The following FAM149B1 variants were observed in gnomAD, a reference collection of about 807,000 sequenced individuals.
The protein encoded by FAM149B1 is family with sequence similarity 149 member B1.
Under a neutral mutation model 75.3 loss-of-function variants are expected in FAM149B1, and 56 were observed. The observed-to-expected ratio is 0.74, with a 90% CI of 0.60 to 0.93. The LOEUF (loss-of-function observed/expected upper bound fraction) is 0.93. Ranked by LOEUF, FAM149B1 falls within the 40% of genes least tolerant of loss-of-function variation. FAM149B1 has a pLI of 0.00. For missense variants in FAM149B1, 639 were observed against 708.4 expected, an observed-to-expected ratio of 0.90 and a Z score of 1.11; for synonymous variants, 259 against 256.1, an observed-to-expected ratio of 1.01 and a Z score of -0.11.
At chr10:73,234,785 C>T in intron 10 of FAM149B1, 32 bp from the exon 11 acceptor site, 1 of 1,549,472 alleles carries the variant, frequency 6.5e-7, no homozygotes, top group South Asian at 1.2e-5. Flanking sequence ...TTCATGCTTT[C>T]ATACCTTCGT....
intron 5 of FAM149B1, among the ~76,000 whole-genome samples, chr10:73,201,916 G>A (rs1293274394): frequency 1.3e-5 from 2 of 152,074 alleles, no homozygotes; most frequent in Non-Finnish European, 2.9e-5. Flanking sequence ...TGTAATCCCA[G>A]CACTTTGGGA....
rs1021125981 is a variant in FAM149B1, at chr10:73,177,866, A to C, written c.173A>C (p.Glu58Ala). The change falls in exon 3 of 14, where the codon GAA (glutamate) becomes GCA (alanine). Residue 58 changes from glutamate to alanine, a missense_variant. Glu to Ala is a moderately radical substitution (Grantham distance 107). Coordinates refer to ENST00000242505, the MANE Select transcript of FAM149B1 (RefSeq NM_173348.2). ...SSQSKSDITR[E>A]SSFTSADTGN... ...TTTAGCAAGTCTGACATCACAAGAGAATCATCTTTTACATCAGCCGACACT... is the reference window on the plus strand; with the variant it reads ...TTTAGCAAGTCTGACATCACAAGAGCATCATCTTTTACATCAGCCGACACT... 2.6e-6 allele frequency: 4 copies of C among 1,551,724 alleles called. No homozygotes were observed. In the Admixed American group the frequency reaches 7.9e-5, roughly 30 times the overall value.
intron 6 of FAM149B1, 112 bp from the exon 7 acceptor site, chr10:73,210,127 AAATTAATTCTAT>A: frequency 1.5e-6 from 1 of 664,048 alleles, no homozygotes; most frequent in Non-Finnish European, 2.6e-6. Flanking sequence ...GGCCTTTGTC[AAATTAATTCTAT>A]TTTCCATTTT....
chr10:73,236,691 T>G (rs2043829386), intron 12 of FAM149B1, among the ~76,000 whole-genome samples: 1 of 149,914 alleles, frequency 6.7e-6, no homozygotes, highest in Non-Finnish European at 1.5e-5. Flanking sequence ...TGATTATAGG[T>G]GTGAGCCACT....
In FAM149B1 at chr10:73,244,146, A is replaced by G. The variant is rs369240285; in HGVS notation, c.*3127A>G. ...CCAATTACCATTTGTTTTTTACCCA[A>G]TTCTATTTGCTAGAGGTAGTAAGTA... On this transcript the variant is annotated 3_prime_UTR_variant, in exon 14 of 14. Coordinates refer to ENST00000242505, the MANE Select transcript of FAM149B1 (RefSeq NM_173348.2). The G allele has an allele frequency of 3.7e-6, 2 of 546,240 alleles. No individual in the cohort carries two copies. Among genetic ancestry groups the G allele is most frequent in the South Asian group, 2.3e-5 (1 of 44,260 alleles). 33.8% of individuals were successfully genotyped at this position (546,240 alleles called of 1,614,324 possible).
chr10:73,178,281 T>C (rs7075996), intron 3 of FAM149B1, among the ~76,000 whole-genome samples: 23,946 of 152,090 alleles, frequency 0.16, 3,142 homozygotes, highest in African/African-American at 0.34. Flanking sequence ...CACCTGAGGT[T>C]GGGAGTTCTA....
chr10:73,202,017 T>C (rs1202522926), intron 5 of FAM149B1, among the ~76,000 whole-genome samples: 1 of 151,654 alleles, frequency 6.6e-6, no homozygotes, highest in Non-Finnish European at 1.5e-5. Flanking sequence ...ATACAAAAAT[T>C]AGCCAGGCGT....
At chr10:73,201,615 T>C (rs991074890) in intron 5 of FAM149B1, among the ~76,000 whole-genome samples, 4 of 152,214 alleles carry the variant, frequency 2.6e-5, no homozygotes, top group South Asian at 2.1e-4. Flanking sequence ...CCTGCCCTTA[T>C]TGTGTTTGTC....
chr10:73,177,811 C>A lies in FAM149B1; in HGVS notation c.153-35C>A, dbSNP rs1029840549. 1.4e-5 allele frequency: 21 copies of A among 1,530,508 alleles called. No individual in the cohort carries two copies. In the African/African-American group the frequency reaches 2.3e-4, roughly 17 times the overall value. The allele number at this position is 1,530,508 out of a possible 1,614,324, so 94.8% of individuals were successfully genotyped here. On this transcript the variant is annotated intron_variant, in intron 2 of 13. Coordinates refer to ENST00000242505, the MANE Select transcript of FAM149B1 (RefSeq NM_173348.2). ...AACTTGAGGACATATGAAAAATTTT[C>A]TTTTTTCTCTCCTCCTCCCAAATTG...
chr10:73,226,657 ATTGT>A (rs1212397936), intron 7 of FAM149B1, among the ~76,000 whole-genome samples: 4 of 152,354 alleles, frequency 2.6e-5, no homozygotes, highest in South Asian at 2.1e-4. Context: ...ATTTCATAGT[ATTGT>A]TTAAGAAATA....
intron 3 of FAM149B1, among the ~76,000 whole-genome samples, chr10:73,180,404 C>A (rs938514066): frequency 6.6e-6 from 1 of 152,198 alleles, no homozygotes; most frequent in Non-Finnish European, 1.5e-5. Flanking sequence ...GGGACTAGAT[C>A]ATTAGGGCCC....
chr10:73,189,611 A>G (rs905988582), intron 3 of FAM149B1, among the ~76,000 whole-genome samples: 10 of 152,356 alleles, frequency 6.6e-5, no homozygotes, highest in African/African-American at 2.4e-4. Flanking sequence ...ATGAACCTCA[A>G]AAAGATTCTC....
intron 3 of FAM149B1, among the ~76,000 whole-genome samples, chr10:73,191,881 T>C (rs937062725): frequency 2.0e-5 from 3 of 152,150 alleles, no homozygotes; most frequent in African/African-American, 7.2e-5. Flanking sequence ...TATAAGAATA[T>C]GTTACTTTTA....
At chr10:73,200,458 G>A (rs2042907134) in intron 5 of FAM149B1, 4 of 616,202 alleles carry the variant, frequency 6.5e-6, no homozygotes, top group South Asian at 4.3e-5. Context: ...AAAACTGCAG[G>A]CTGAAGTACC....
At chr10:73,206,643 A>G (rs1181902218) in intron 5 of FAM149B1, among the ~76,000 whole-genome samples, 1 of 152,222 alleles carries the variant, frequency 6.6e-6, no homozygotes, top group South Asian at 2.1e-4. Context: ...GCCTTGGGAC[A>G]CTGCTTTTTG....
At chr10:73,206,101 G>T (rs1286534703) in intron 5 of FAM149B1, among the ~76,000 whole-genome samples, 3 of 152,150 alleles carry the variant, frequency 2.0e-5, no homozygotes, top group Non-Finnish European at 2.9e-5. Flanking sequence ...GGCTGACAAG[G>T]TCTCAGAAGG....
chr10:73,215,378 T>A (rs944869643), intron 7 of FAM149B1, among the ~76,000 whole-genome samples: 1 of 152,014 alleles, frequency 6.6e-6, no homozygotes, highest in East Asian at 1.9e-4. Context: ...TCTTTTTACT[T>A]TTTTTTAATT....
At position 73,243,623 on chromosome 10, in the gene FAM149B1, T is replaced by C. The variant is rs2043977358; in HGVS notation, c.*2604T>C. The C allele has an allele frequency of 2.1e-6, 3 of 1,446,048 alleles. No individual in the cohort carries two copies. Among genetic ancestry groups the C allele is most frequent in the Non-Finnish European group, 2.8e-6 (3 of 1,059,726 alleles). The allele number at this position is 1,446,048 out of a possible 1,614,324, so 89.6% of individuals were successfully genotyped here. On this transcript the variant is annotated 3_prime_UTR_variant, in exon 14 of 14. Coordinates refer to ENST00000242505, the MANE Select transcript of FAM149B1 (RefSeq NM_173348.2). ...AAAGTGGAATAACTACTAATGGGTA[T>C]GGAGTTTTTTTGGAATGGTGAAAAT...
At chr10:73,220,735 CTCTT>C (rs1286043624) in intron 7 of FAM149B1, among the ~76,000 whole-genome samples, 3 of 152,038 alleles carry the variant, frequency 2.0e-5, no homozygotes, top group Non-Finnish European at 2.9e-5. Flanking sequence ...CAGCGGAGAT[CTCTT>C]TCTATTTACA....
Sources: allele counts gnomAD v4.1 joint callset (sites outside exome capture counted in the v4.1 genomes callset), GRCh38; gene constraint gnomAD v4.1.1; transcripts MANE v1.5; gene names NCBI Gene and HGNC (gene_info 2026-07-23, HGNC 2026-07-21).